PCDHGA7: variants seen among roughly 807,000 people sequenced by gnomAD.
The protein encoded by PCDHGA7 is protocadherin gamma-A7.
Under a neutral mutation model 58.3 loss-of-function variants are expected in PCDHGA7, and 44 were observed. The ratio of observed to expected loss-of-function variants is 0.75; its 90% confidence interval spans 0.59 to 0.97. The LOEUF (loss-of-function observed/expected upper bound fraction) is 0.97. Among genes scored for constraint, PCDHGA7 ranks in the 50% least tolerant of loss-of-function variants. PCDHGA7 has a pLI of 0.00. For missense variants in PCDHGA7, 1,266 were observed against 1,188.7 expected (o/e 1.06, Z -0.96); for synonymous variants, 516 against 504.2 (o/e 1.02, Z -0.31).
chr5:141,494,182 C>A (rs188628485), intron 1 of PCDHGA7, among the ~76,000 whole-genome samples: 1 of 152,126 alleles, frequency 6.6e-6, no homozygotes, highest in Non-Finnish European at 1.5e-5. Context: ...AGAAGTGTCC[C>A]GGGACTTGGA....
chr5:141,431,658 C>T lies in PCDHGA7; in HGVS notation c.2424+46335C>T, dbSNP rs1283381348. 6.2e-7 allele frequency: 1 copy of T among 1,614,088 alleles called. No individual in the cohort carries two copies. ...TTCAAACTAGATTGTAATTCAGGGA[C>T]AATATCAACAATAGGGGAGTTGGAC... On this transcript the variant is annotated intron_variant, in intron 1 of 3. Transcript: ENST00000518325. The surrounding 1 kb of genome is among the most constrained non-coding windows in gnomAD (Gnocchi z 4.8).
At chr5:141,488,913 A>G (rs887938731) in intron 1 of PCDHGA7, among the ~76,000 whole-genome samples, 4 of 152,196 alleles carry the variant, frequency 2.6e-5, no homozygotes, top group African/African-American at 7.2e-5. Flanking sequence ...TGTGTTCCCA[A>G]GGTTTCCAGG....
chr5:141,409,648 G>A, intron 1 of PCDHGA7: 2 of 1,613,692 alleles, frequency 1.2e-6, no homozygotes, highest in East Asian at 4.5e-5. Context: ...CGGATTTGGG[G>A]CTCAATGGCC....
intron 3 of PCDHGA7, among the ~76,000 whole-genome samples, chr5:141,509,633 GA>G (rs2099877629): frequency 6.6e-6 from 1 of 152,204 alleles, no homozygotes; most frequent in Non-Finnish European, 1.5e-5. Flanking sequence ...GGGTGATGCT[GA>G]GCCAGGGCCA....
intron 1 of PCDHGA7, chr5:141,404,241 C>A (rs960579159): frequency 6.2e-7 from 1 of 1,613,458 alleles, no homozygotes; most frequent in African/African-American, 1.3e-5. Context: ...AGAGGAACTC[C>A]GCCCCTGTCC....
intron 1 of PCDHGA7, among the ~76,000 whole-genome samples, chr5:141,429,545 G>T (rs1200824675): frequency 6.6e-6 from 1 of 151,844 alleles, no homozygotes; most frequent in East Asian, 1.9e-4. Context: ...TAAGAACATG[G>T]TAATGATTTG....
chr5:141,480,336 G>A (rs755963190), intron 1 of PCDHGA7, among the ~76,000 whole-genome samples: 1 of 151,988 alleles, frequency 6.6e-6, no homozygotes, highest in Non-Finnish European at 1.5e-5. Flanking sequence ...AATTGCTTGA[G>A]CCTGGGAGGT....
intron 1 of PCDHGA7, chr5:141,420,103 G>C (rs754672450): frequency 4.3e-6 from 7 of 1,613,990 alleles, no homozygotes; most frequent in Non-Finnish European, 2.5e-6. Context: ...AGGGAACGTT[G>C]CCCTATGCCT....
chr5:141,488,793 C>G (rs1274193018), intron 1 of PCDHGA7, among the ~76,000 whole-genome samples: 1 of 152,172 alleles, frequency 6.6e-6, no homozygotes, highest in African/African-American at 2.4e-5. Context: ...TTTGTCTTCC[C>G]TGTTGAGTAC....
chr5:141,473,033 GGAAA>G (rs1282468299), intron 1 of PCDHGA7, among the ~76,000 whole-genome samples: 6 of 146,356 alleles, frequency 4.1e-5, no homozygotes, highest in South Asian at 2.2e-4. Flanking sequence ...AAGGAAGGAA[GGAAA>G]GAAAGAAAGA....
intron 2 of PCDHGA7, among the ~76,000 whole-genome samples, chr5:141,500,893 A>G (rs1393294152): frequency 1.1e-5 from 1 of 94,848 alleles, no homozygotes; most frequent in Non-Finnish European, 2.0e-5. Context: ...TTTTTTTGAG[A>G]CAGTCTCGCT....
At chr5:141,405,457 T>TC in intron 1 of PCDHGA7, 3 of 1,256,668 alleles carry the variant, frequency 2.4e-6, no homozygotes, top group South Asian at 1.4e-5. Context: ...TCTTACTCTG[T>TC]TACCCAGGCT....
At chr5:141,467,055 C>CTTTTTTTTTTTT (rs1193465269) in intron 1 of PCDHGA7, among the ~76,000 whole-genome samples, 1 of 134,498 alleles carries the variant, frequency 7.4e-6, no homozygotes. Context: ...TCAATGTTTT[C>CTTTTTTTTTTTT]TTTTTTTTTT....
intron 1 of PCDHGA7, among the ~76,000 whole-genome samples, chr5:141,474,448 A>G (rs1350019257): frequency 3.3e-5 from 5 of 152,204 alleles, no homozygotes; most frequent in Non-Finnish European, 5.9e-5. Context: ...GTAGCAAGTG[A>G]TTGGGCTATA....
chr5:141,417,861 T>A, intron 1 of PCDHGA7: 3 of 1,549,554 alleles, frequency 1.9e-6, no homozygotes, highest in Non-Finnish European at 2.6e-6. Context: ...GAGCGAACGA[T>A]GGGAGGGAGC....
rs370995300 is a variant in PCDHGA7, at chr5:141,399,359, C to T, written c.2424+14036C>T. ...GATGGAACCCTAGACCGAGAGCAAACCCCGGAGTACAATGTCACCATCACA... is the reference window on the plus strand; with the variant it reads ...GATGGAACCCTAGACCGAGAGCAAATCCCGGAGTACAATGTCACCATCACA... On this transcript the variant is annotated intron_variant, in intron 1 of 3. Coordinates refer to ENST00000518325, the MANE Select transcript of PCDHGA7 (RefSeq NM_018920.4). 2.6e-4 allele frequency: 427 copies of T among 1,613,884 alleles called. No individual in the cohort carries two copies. The highest frequency in any genetic ancestry group is 1.2e-4 in the Non-Finnish European group (140 of 1,179,916).
intron 1 of PCDHGA7, among the ~76,000 whole-genome samples, chr5:141,461,119 C>T (rs959427669): frequency 6.6e-6 from 1 of 152,016 alleles, no homozygotes; most frequent in Admixed American, 6.6e-5. Flanking sequence ...GTGTCTTTTT[C>T]ATATAATTAC....
intron 1 of PCDHGA7, among the ~76,000 whole-genome samples, chr5:141,462,030 T>C (rs1283795051): frequency 3.9e-5 from 6 of 152,122 alleles, no homozygotes; most frequent in Non-Finnish European, 8.8e-5. Flanking sequence ...TTCATGTTGG[T>C]CAGGCGGGTC....
At chr5:141,405,187 G>A (rs372851700) in intron 1 of PCDHGA7, 1 of 1,613,360 alleles carries the variant, frequency 6.2e-7, no homozygotes, top group East Asian at 2.2e-5. Flanking sequence ...GTGTAGATGG[G>A]GTTCGAGCTT....
Sources: gnomAD v4.1 joint callset for allele counts (sites outside exome capture counted in the v4.1 genomes callset) on GRCh38, gnomAD v4.1.1 for gene constraint, Gnocchi (gnomAD v3.1) non-coding constraint, MANE v1.5 for transcripts, NCBI Gene and HGNC (gene_info 2026-07-23, HGNC 2026-07-21) for gene names.